Variants in XIRP2 observed in about 807,000 individuals in gnomAD.
XIRP2 encodes the protein xin actin-binding repeat-containing protein 2.
A neutral mutation model predicts 277.0 loss-of-function variants in XIRP2; 236 were observed. The observed-to-expected ratio is 0.85, with a 90% confidence interval of 0.77 to 0.95. The LOEUF (loss-of-function observed/expected upper bound fraction) is 0.95. Ranked by LOEUF, XIRP2 falls within the 40% of genes least tolerant of loss-of-function variation. The pLI, the probability that XIRP2 is intolerant of heterozygous loss-of-function variation, is 0.00. For missense variants in XIRP2, 4,640 were observed against 4,157.5 expected (o/e 1.12, Z -3.19); for synonymous variants, 1,490 against 1,416.5 (o/e 1.05, Z -1.17).
intron 2 of XIRP2, among the ~76,000 whole-genome samples, chr2:166,984,557 A>C (rs1359436160): frequency 1.3e-5 from 2 of 152,192 alleles, no homozygotes; most frequent in Non-Finnish European, 2.9e-5. Context: ...TGCAGGAAAA[A>C]GTATATTTTT....
intron 2 of XIRP2, among the ~76,000 whole-genome samples, chr2:167,130,111 T>G (rs1391383272): frequency 6.6e-6 from 1 of 151,940 alleles, no homozygotes; most frequent in Non-Finnish European, 1.5e-5. Flanking sequence ...TCCAAATACT[T>G]CTGTCACCTT....
In XIRP2 at chr2:167,187,593, G is replaced by A. The variant is rs373777585; in HGVS notation, c.563-23142G>A. The A allele has an allele frequency of 1.7e-4, 165 of 962,150 alleles. No homozygotes were observed. In the African/African-American group the frequency reaches 2.8e-3, roughly 16 times the overall value. The allele number at this position is 962,150 out of a possible 1,614,324, so 59.6% of individuals were successfully genotyped here. On this transcript the variant is annotated intron_variant, in intron 3 of 10. Coordinates refer to ENST00000409195, the MANE Select transcript of XIRP2 (RefSeq NM_152381.6). ...CCTGGATTGTAAAATGTTCTCACTG[G>A]TTACTTAAGGTCAATGAAGACCATA...
At chr2:167,010,885 G>T (rs1012459442) in intron 2 of XIRP2, among the ~76,000 whole-genome samples, 2 of 152,036 alleles carry the variant, frequency 1.3e-5, no homozygotes, top group Non-Finnish European at 1.5e-5. Context: ...TGTTATTGGT[G>T]TATAAGAATG....
chr2:167,246,581 C>G lies in XIRP2; in HGVS notation c.5189C>G (p.Ser1730Cys), dbSNP rs763032928. The G allele has an allele frequency of 6.2e-7, 1 of 1,613,636 alleles. No individual in the cohort carries two copies. Among genetic ancestry groups the G allele is most frequent in the Non-Finnish European group, 8.5e-7 (1 of 1,179,840 alleles). ...TCTTCCACATCAAACAATAAAATAT[C>G]TGAAAGGGCTAAAATTGATGCCTCT... ...LLSSTSNNKI[S>C]ERAKIDASER... Residue 1730 changes from serine (S) to cysteine (C), a missense_variant, in exon 9 of 11, where the codon TCT becomes TGT. Transcript: ENST00000409195.
chr2:167,148,143 A>G (rs1470286079), intron 3 of XIRP2, among the ~76,000 whole-genome samples: 1 of 152,072 alleles, frequency 6.6e-6, no homozygotes, highest in African/African-American at 2.4e-5. Flanking sequence ...GCACTTTGGG[A>G]GGTCGAGGCA....
At chr2:166,909,872 T>C (rs1464732023) in intron 2 of XIRP2, among the ~76,000 whole-genome samples, 1 of 152,248 alleles carries the variant, frequency 6.6e-6, no homozygotes, top group Non-Finnish European at 1.5e-5. Context: ...CAGATAATCA[T>C]GTGGTTTTTA....
rs975784666 is a variant in XIRP2 at position 167,245,998 on chromosome 2, G to A, written c.4606G>A (p.Glu1536Lys). The change falls in exon 9 of 11, where the codon GAA (glutamate) becomes AAA (lysine). Residue 1536 changes from glutamate (E) to lysine (K), a missense_variant. Physicochemically the swap from Glu to Lys is moderately conservative, Grantham distance 56. Transcript: ENST00000409195. Reference protein sequence around the residue: ...TWLFETTPLHEFNETRVEKIE... With the variant: ...TWLFETTPLHKFNETRVEKIE... ...GCTCTTTGAAACAACACCACTTCAT[G>A]AATTTAATGAAACTAGAGTAGAAAA... 1.9e-6 allele frequency: 3 copies of A among 1,612,994 alleles called. No homozygotes were observed. Among genetic ancestry groups the A allele is most frequent in the African/African-American group, 1.3e-5 (1 of 74,784 alleles).
At chr2:167,001,436 TAAAC>T (rs753579315) in intron 2 of XIRP2, among the ~76,000 whole-genome samples, 21 of 152,168 alleles carry the variant, frequency 1.4e-4, no homozygotes, top group South Asian at 6.2e-4. Flanking sequence ...ATATCTATAA[TAAAC>T]AATAGTTTCA....
chr2:167,036,228 C>A (rs1000135672), intron 2 of XIRP2, among the ~76,000 whole-genome samples: 2 of 152,142 alleles, frequency 1.3e-5, no homozygotes, highest in African/African-American at 4.8e-5. Flanking sequence ...GTCCTGCAGA[C>A]CCCAGAATGT....
At chr2:167,049,587 T>C (rs1373131966) in intron 2 of XIRP2, among the ~76,000 whole-genome samples, 2 of 152,050 alleles carry the variant, frequency 1.3e-5, no homozygotes, top group Admixed American at 1.3e-4. Flanking sequence ...AATATTTTCA[T>C]GGGTCCTGCG....
chr2:166,926,003 G>C (rs959767554), intron 2 of XIRP2, among the ~76,000 whole-genome samples: 1 of 151,892 alleles, frequency 6.6e-6, no homozygotes, highest in Non-Finnish European at 1.5e-5. Context: ...GAGCCCAGGA[G>C]TTTGAGGCTA....
intron 2 of XIRP2, among the ~76,000 whole-genome samples, chr2:167,052,181 C>T (rs1221503566): frequency 6.6e-6 from 1 of 152,034 alleles, no homozygotes; most frequent in Non-Finnish European, 1.5e-5. Context: ...ATCCCCAAAA[C>T]AGCCTTGGAG....
At chr2:167,037,645 C>G (rs140883371) in intron 2 of XIRP2, among the ~76,000 whole-genome samples, 3 of 151,694 alleles carry the variant, frequency 2.0e-5, no homozygotes, top group African/African-American at 7.3e-5. Context: ...CCCTGAGACC[C>G]TCAGGCTAGG....
chr2:167,214,543 C>T (rs1030805091), intron 4 of XIRP2, among the ~76,000 whole-genome samples: 2 of 150,820 alleles, frequency 1.3e-5, no homozygotes, highest in African/African-American at 4.9e-5. Context: ...GTTTCTAAAG[C>T]GCAGGAAAGT....
At chr2:166,945,597 C>T (rs1180676268) in intron 2 of XIRP2, among the ~76,000 whole-genome samples, 1 of 151,190 alleles carries the variant, frequency 6.6e-6, no homozygotes, top group African/African-American at 2.4e-5. Context: ...GGACTAAGTT[C>T]CTCAAAAGTA....
intron 2 of XIRP2, among the ~76,000 whole-genome samples, chr2:167,079,452 C>T (rs1689670783): frequency 6.6e-6 from 1 of 152,084 alleles, no homozygotes; most frequent in Non-Finnish European, 1.5e-5. Context: ...GCTGTGAATT[C>T]CTTTGATTGG....
At chr2:167,088,945 C>T (rs1233638272) in intron 2 of XIRP2, among the ~76,000 whole-genome samples, 2 of 152,114 alleles carry the variant, frequency 1.3e-5, no homozygotes, top group Admixed American at 1.3e-4. Flanking sequence ...AATGTAACCT[C>T]CAGGAGGTGA....
rs190028269 is a variant in XIRP2 at position 167,130,889 on chromosome 2, G to A, written c.409-5020G>A. Among the ~76,000 whole-genome samples the A allele has an allele frequency of 1.3e-4, 19 of 151,960 alleles. No homozygotes were observed. In the East Asian group the frequency reaches 1.6e-3, roughly 12 times the overall value. On this transcript the variant is annotated intron_variant, in intron 2 of 10. Transcript: ENST00000409195. ...GAACTATGGAGAGTTTTCTGAATTC[G>A]TAAGTAACTATGTAACTTAACAGGC...
intron 5 of XIRP2, 56 bp from the exon 6 acceptor site, chr2:167,239,799 A>T: frequency 6.7e-7 from 1 of 1,493,530 alleles, no homozygotes; most frequent in Non-Finnish European, 9.1e-7. Flanking sequence ...ACAAATAAAA[A>T]AAGTTAAAAT....
Sources: allele counts gnomAD v4.1 joint callset (sites outside exome capture counted in the v4.1 genomes callset), GRCh38; gene constraint gnomAD v4.1.1; transcripts MANE v1.5; gene names NCBI Gene and HGNC (gene_info 2026-07-23, HGNC 2026-07-21).